Variants in CWH43 observed in about 807,000 individuals in gnomAD.
CWH43 encodes cell wall biogenesis 43 C-terminal homolog.
CWH43 carries 91 observed loss-of-function variants against 85.7 expected under a neutral mutation model. The observed-to-expected ratio is 1.06, with a 90% CI of 0.90 to 1.26. CWH43 has a LOEUF of 1.26. CWH43 is among the 50% of genes most tolerant of loss of function. The pLI, the probability that CWH43 is intolerant of heterozygous loss-of-function variation, is 0.00. For synonymous variants in CWH43, 323 were observed against 293.6 expected (o/e 1.10, Z -1.02); for missense variants, 869 against 839.2 (o/e 1.04, Z -0.44).
chr4:49,017,423 T>A, intron 9 of CWH43, 95 bp downstream of exon 9: 2 of 849,352 alleles, frequency 2.4e-6, no homozygotes, highest in South Asian at 1.8e-5. Flanking sequence ...CTGGATCTGA[T>A]GACTTCAGAG....
intron 11 of CWH43, among the ~76,000 whole-genome samples, chr4:49,032,027 TA>T (rs1182477934): frequency 3.9e-5 from 6 of 152,150 alleles, no homozygotes; most frequent in African/African-American, 1.4e-4. Context: ...TATCATCGTA[TA>T]GAGATAGACC....
chr4:49,039,333 A>ATAT (rs1560509168), intron 13 of CWH43, among the ~76,000 whole-genome samples: 4 of 9,618 alleles, frequency 4.2e-4, no homozygotes, highest in Non-Finnish European at 1.2e-3. Flanking sequence ...ATATATATAT[A>ATAT]CTGATGTATA....
intron 9 of CWH43, among the ~76,000 whole-genome samples, chr4:49,017,698 T>C (rs1783601004): frequency 6.6e-6 from 1 of 152,212 alleles, no homozygotes; most frequent in African/African-American, 2.4e-5. Flanking sequence ...TTCTACAGGC[T>C]GTTCAGAAAG....
chr4:49,007,472 T>C, intron 8 of CWH43, 146 bp downstream of exon 8: 1 of 1,050,934 alleles, frequency 9.5e-7, no homozygotes, highest in South Asian at 2.5e-5. Flanking sequence ...AGCTATCTTC[T>C]CTAGTTTTTT....
intron 11 of CWH43, 75 bp from the exon 12 acceptor site, chr4:49,032,491 T>C: frequency 4.6e-6 from 7 of 1,536,930 alleles, no homozygotes; most frequent in Non-Finnish European, 6.3e-6. Context: ...CCCTTTTTAA[T>C]GCATTTGCTT....
chr4:48,997,126 G>T (rs1238220077), intron 5 of CWH43, among the ~76,000 whole-genome samples: 1 of 152,120 alleles, frequency 6.6e-6, no homozygotes, highest in African/African-American at 2.4e-5. Context: ...GACAGAATAG[G>T]TGTGTTTCTC....
intron 15 of CWH43, among the ~76,000 whole-genome samples, chr4:49,057,619 T>C (rs1283687558): frequency 6.6e-6 from 1 of 152,208 alleles, no homozygotes; most frequent in Admixed American, 6.5e-5. Flanking sequence ...TCTCTATGTA[T>C]GTTAGGTCGA....
rs1321802144 is a variant in CWH43, at chr4:48,991,499, T to C, written c.281T>C (p.Met94Thr). ...FQAPNAKLRLMVLALGVSSSL... is the reference protein window; with the variant it reads ...FQAPNAKLRLTVLALGVSSSL... ...GCTCCAAATGCCAAACTTCGACTGA[T>C]GGTTCTTGCGCTTGGGGTGTCTTCC... The change falls in exon 3 of 16, where the codon ATG becomes ACG. Residue 94 changes from methionine (M) to threonine (T), a missense_variant. Transcript: ENST00000226432. 1 of 1,614,106 alleles carries C rather than the reference T, an allele frequency of 6.2e-7. No individual in the cohort carries two copies. Among genetic ancestry groups the C allele is most frequent in the Non-Finnish European group, 8.5e-7 (1 of 1,179,994 alleles).
At chr4:49,005,327 T>C (rs1783120701) in intron 7 of CWH43, among the ~76,000 whole-genome samples, 1 of 152,154 alleles carries the variant, frequency 6.6e-6, no homozygotes, top group Non-Finnish European at 1.5e-5. Flanking sequence ...TTGTATCCAT[T>C]AATCAATTTC....
chr4:48,998,332 C>A (rs1560487194), intron 5 of CWH43, 128 bp from the exon 6 acceptor site: 1 of 671,028 alleles, frequency 1.5e-6, no homozygotes, highest in East Asian at 2.7e-5. Context: ...CTCTCATGAT[C>A]TCACTGGTTG....
chr4:49,018,193 A>C (rs916065975), intron 9 of CWH43, among the ~76,000 whole-genome samples: 14 of 152,108 alleles, frequency 9.2e-5, no homozygotes, highest in African/African-American at 2.4e-4. Context: ...TATTACAACA[A>C]CACCAAAGGG....
chr4:49,055,620 A>T, intron 15 of CWH43, among the ~76,000 whole-genome samples: 1 of 147,664 alleles, frequency 6.8e-6, no homozygotes. Flanking sequence ...ATAGAGTCTC[A>T]CTCTTGTCAC....
intron 10 of CWH43, 119 bp from the exon 11 acceptor site, chr4:49,030,701 ATTACT>A (rs746296025): frequency 4.8e-6 from 4 of 837,472 alleles, no homozygotes; most frequent in Non-Finnish European, 6.8e-6. Flanking sequence ...CTCACTAATA[ATTACT>A]TTGTTTTTGG....
intron 14 of CWH43, among the ~76,000 whole-genome samples, chr4:49,050,150 C>T (rs954874659): frequency 9.2e-5 from 14 of 152,156 alleles, no homozygotes; most frequent in African/African-American, 3.1e-4. Flanking sequence ...CATGGTTCCC[C>T]GTGTTTTCCA....
At chr4:49,038,855 G>A (rs1260530007) in intron 13 of CWH43, among the ~76,000 whole-genome samples, 1 of 151,460 alleles carries the variant, frequency 6.6e-6, no homozygotes, top group Non-Finnish European at 1.5e-5. Context: ...TCAGGAGATC[G>A]AGACCATCCT....
intron 7 of CWH43, among the ~76,000 whole-genome samples, chr4:49,006,254 G>T (rs1783153713): frequency 6.6e-6 from 1 of 151,194 alleles, no homozygotes; most frequent in South Asian, 2.1e-4. Context: ...TATGAACGAT[G>T]AGTTTTTTTT....
chr4:49,061,699 T>C, intron 15 of CWH43, 113 bp from the exon 16 acceptor site: 1 of 968,712 alleles, frequency 1.0e-6, no homozygotes, highest in Non-Finnish European at 1.4e-6. Flanking sequence ...CATGAATCTT[T>C]TTTATTTATT....
In CWH43 at chr4:48,997,880, G is replaced by C. The variant is rs1239289946; in HGVS notation, c.714-580G>C. On this transcript the variant is annotated intron_variant, in intron 5 of 15. Transcript: ENST00000226432. Reference sequence around the variant, plus strand: ...TAATTTATGTGACAGCTACTTAAATGAGTCCTATATTCTAGCTATTATTGT... The same window carrying C: ...TAATTTATGTGACAGCTACTTAAATCAGTCCTATATTCTAGCTATTATTGT... Among the ~76,000 whole-genome samples, 5 of 152,160 alleles carry C rather than the reference G, an allele frequency of 3.3e-5. No individual in the cohort carries two copies. In the East Asian group the frequency reaches 9.6e-4, roughly 29 times the overall value.
chr4:49,044,925 C>T (rs1337618566), intron 14 of CWH43, 78 bp downstream of exon 14: 2 of 1,147,772 alleles, frequency 1.7e-6, no homozygotes, highest in East Asian at 2.4e-5. Context: ...GGAAAAAGAA[C>T]TTTATGGAAG....
Sources: allele counts gnomAD v4.1 joint callset (sites outside exome capture counted in the v4.1 genomes callset), GRCh38; gene constraint gnomAD v4.1.1; transcripts MANE v1.5; gene names NCBI Gene and HGNC (gene_info 2026-07-23, HGNC 2026-07-21).